The following ROBO2 variants were observed in gnomAD, a reference collection of about 807,000 sequenced individuals.
The protein encoded by ROBO2 is roundabout homolog 2.
Under a neutral mutation model 160.8 loss-of-function variants are expected in ROBO2, and 53 were observed. The ratio of observed to expected loss-of-function variants is 0.33; its 90% confidence interval spans 0.26 to 0.41. The LOEUF (loss-of-function observed/expected upper bound fraction) is 0.41. Ranked by LOEUF, ROBO2 falls within the 10% of genes least tolerant of loss-of-function variation. ROBO2 has a pLI of 1.00. For missense variants in ROBO2, 1,577 were observed against 1,722.4 expected (o/e 0.92, Z 1.49); for synonymous variants, 664 against 611.7 (o/e 1.09, Z -1.26).
At chr3:76,975,775 C>T (rs2059787744) in intron 2 of ROBO2, among the ~76,000 whole-genome samples, 1 of 151,632 alleles carries the variant, frequency 6.6e-6, no homozygotes, top group Admixed American at 6.6e-5. Context: ...TTTTGACATC[C>T]CAGCATAGAT....
chr3:76,974,299 C>A (rs1276153858), intron 2 of ROBO2, among the ~76,000 whole-genome samples: 1 of 152,060 alleles, frequency 6.6e-6, no homozygotes, highest in African/African-American at 2.4e-5. Flanking sequence ...TTTAATCCCC[C>A]CCTTTTTCTT....
intron 2 of ROBO2, among the ~76,000 whole-genome samples, chr3:76,409,790 A>G (rs1008218822): frequency 6.6e-6 from 1 of 152,046 alleles, no homozygotes; most frequent in African/African-American, 2.4e-5. Flanking sequence ...AACAACAAAA[A>G]AATTGGCACA....
intron 16 of ROBO2, among the ~76,000 whole-genome samples, chr3:77,581,477 T>G (rs888868104): frequency 6.6e-6 from 1 of 152,080 alleles, no homozygotes; most frequent in Admixed American, 6.6e-5. Context: ...TGCAATGTGG[T>G]TAAAGGAATG....
intron 2 of ROBO2, among the ~76,000 whole-genome samples, chr3:76,354,936 T>C (rs2075069349): frequency 6.6e-6 from 1 of 151,896 alleles, no homozygotes. Flanking sequence ...ATTTTCCTAT[T>C]TCACAGAACT....
chr3:76,843,915 G>T (rs909074424), intron 2 of ROBO2, among the ~76,000 whole-genome samples: 2 of 152,002 alleles, frequency 1.3e-5, no homozygotes, highest in Non-Finnish European at 1.5e-5. Context: ...GAGCTAAATT[G>T]CAGCAGAAAA....
intron 2 of ROBO2, among the ~76,000 whole-genome samples, chr3:76,054,392 A>C (rs2067762474): frequency 6.6e-6 from 1 of 152,168 alleles, no homozygotes; most frequent in Admixed American, 6.5e-5. Context: ...TAAACTTCTA[A>C]AAGTAGTAGT....
chr3:76,042,612 A>AT (rs1267491219), intron 2 of ROBO2, among the ~76,000 whole-genome samples: 1 of 152,048 alleles, frequency 6.6e-6, no homozygotes, highest in Non-Finnish European at 1.5e-5. Context: ...TAAGAAAAAA[A>AT]CAAGGAAGTG....
intron 2 of ROBO2, among the ~76,000 whole-genome samples, chr3:76,377,120 C>T (rs1559846973): frequency 6.6e-6 from 1 of 152,036 alleles, no homozygotes; most frequent in East Asian, 1.9e-4. Flanking sequence ...TGAAAATATT[C>T]AGAAAATTCA....
At chr3:77,361,785 A>G (rs1260571998) in intron 2 of ROBO2, among the ~76,000 whole-genome samples, 2 of 152,140 alleles carry the variant, frequency 1.3e-5, no homozygotes, top group African/African-American at 2.4e-5. Context: ...AGGGACATGA[A>G]CATTCAGACT....
At chr3:76,699,263 TC>T (rs779717026) in intron 2 of ROBO2, among the ~76,000 whole-genome samples, 126 of 152,274 alleles carry the variant, frequency 8.3e-4, no homozygotes, top group Non-Finnish European at 1.4e-3. Flanking sequence ...CTGCTGTTTA[TC>T]CAGGTCTGTT....
At chr3:76,766,707 G>T (rs1344835223) in intron 2 of ROBO2, among the ~76,000 whole-genome samples, 1 of 151,578 alleles carries the variant, frequency 6.6e-6, no homozygotes, top group Non-Finnish European at 1.5e-5. Context: ...AAAGTTGGGG[G>T]TGGAGTGCTA....
chr3:76,561,084 A>G (rs1182305962), intron 2 of ROBO2, among the ~76,000 whole-genome samples: 1 of 151,316 alleles, frequency 6.6e-6, no homozygotes, highest in East Asian at 1.9e-4. Flanking sequence ...TCACCATTAT[A>G]GCTCACTGTT....
chr3:77,005,913 A>G (rs1269481254), intron 2 of ROBO2, among the ~76,000 whole-genome samples: 1 of 152,288 alleles, frequency 6.6e-6, no homozygotes, highest in East Asian at 1.9e-4. Flanking sequence ...GGTTTTCTGA[A>G]TTGTTGCTTT....
At chr3:77,552,959 A>G (rs536970658) in intron 8 of ROBO2, among the ~76,000 whole-genome samples, 2 of 152,082 alleles carry the variant, frequency 1.3e-5, no homozygotes, top group Admixed American at 6.6e-5. Flanking sequence ...TTGAAATTCC[A>G]TGGTAGAATG....
rs185827728 is a variant in ROBO2 at position 77,284,128 on chromosome 3, G to T, written c.388+185788G>T. On this transcript the variant is annotated intron_variant, in intron 2 of 25. Coordinates refer to ENST00000461745, the Ensembl canonical transcript of ROBO2. Reference sequence around the variant, plus strand: ...TTTTGGGAAATAAGATTTTATTTTAGCACAGTCATACCCATTCAATTACTT... The same window carrying T: ...TTTTGGGAAATAAGATTTTATTTTATCACAGTCATACCCATTCAATTACTT... Among the ~76,000 whole-genome samples the T allele has an allele frequency of 3.1e-3, 466 of 152,180 alleles. 2 individuals are homozygous for T. The highest frequency in any genetic ancestry group is 4.5e-3 in the Non-Finnish European group (303 of 68,000).
At chr3:76,679,756 T>C (rs1230176856) in intron 2 of ROBO2, among the ~76,000 whole-genome samples, 2 of 152,188 alleles carry the variant, frequency 1.3e-5, no homozygotes, top group African/African-American at 4.8e-5. Flanking sequence ...TCTTTGTGTC[T>C]TTTTATTTTA....
intron 2 of ROBO2, among the ~76,000 whole-genome samples, chr3:76,325,795 C>T (rs969889061): frequency 6.6e-5 from 10 of 151,308 alleles, no homozygotes; most frequent in African/African-American, 1.2e-4. Flanking sequence ...AGTAAAAACA[C>T]GTGGAAAGGC....
At chr3:77,479,694 C>A (rs887299249) in intron 3 of ROBO2, among the ~76,000 whole-genome samples, 1 of 152,052 alleles carries the variant, frequency 6.6e-6, no homozygotes, top group African/African-American at 2.4e-5. Context: ...GGAGTAAAAT[C>A]ATTGTTTATG....
intron 2 of ROBO2, among the ~76,000 whole-genome samples, chr3:77,329,233 G>A (rs1400902386): frequency 1.3e-5 from 2 of 152,168 alleles, no homozygotes; most frequent in African/African-American, 2.4e-5. Context: ...AAGAAAAAGA[G>A]GAATGAAGCA....
Sources: allele counts gnomAD v4.1 joint callset (sites outside exome capture counted in the v4.1 genomes callset), GRCh38; gene constraint gnomAD v4.1.1; transcripts MANE v1.5; gene names NCBI Gene and HGNC (gene_info 2026-07-23, HGNC 2026-07-21).